Variants in TNS3 observed in about 807,000 individuals in gnomAD.
TNS3 encodes the protein tensin-3.
In TNS3, 45 loss-of-function variants were observed where a neutral mutation model predicts 140.9. The observed-to-expected ratio is 0.32, with a 90% CI of 0.25 to 0.41. The LOEUF (loss-of-function observed/expected upper bound fraction) is 0.41. Ranked by LOEUF, TNS3 falls within the 10% of genes least tolerant of loss-of-function variation. The pLI is 1.00. For synonymous variants in TNS3, 815 were observed against 788.4 expected (o/e 1.03, Z -0.56); for missense variants, 1,716 against 1,906.7 (o/e 0.90, Z 1.86).
rs1793502478 is a variant in TNS3, at chr7:47,407,268, C to A, written c.723+4459G>T. On this transcript the variant is annotated intron_variant, in intron 13 of 30. Transcript: ENST00000311160. The surrounding 1 kb of genome is among the most constrained non-coding windows in gnomAD (Gnocchi z 4.1). The stretch of plus-strand genomic sequence containing the variant: ...ATGTGAGCTCTGCTGTGAAGCCACT[C>A]CTTCTCTGACACGCTGGAAATCATC... Among the ~76,000 whole-genome samples, 1 of 152,172 alleles carries A rather than the reference C, an allele frequency of 6.6e-6. No individual in the cohort carries two copies. Among genetic ancestry groups the A allele is most frequent in the Non-Finnish European group, 1.5e-5 (1 of 68,034 alleles).
chr7:47,340,115 ATTTT>A (rs770520080), intron 20 of TNS3, among the ~76,000 whole-genome samples: 55 of 28,530 alleles, frequency 1.9e-3, no homozygotes, highest in African/African-American at 5.8e-3. Context: ...ATATATATAT[ATTTT>A]TTTTTTTTTT....
chr7:47,384,818 T>C (rs563064390), intron 16 of TNS3, among the ~76,000 whole-genome samples: 37 of 152,138 alleles, frequency 2.4e-4, no homozygotes, highest in Non-Finnish European at 3.4e-4. Flanking sequence ...TCCTAGCCCA[T>C]CTAGACCCAC....
intron 20 of TNS3, among the ~76,000 whole-genome samples, chr7:47,319,136 C>CCTCAGACATGGACACA (rs1362349760): frequency 6.6e-6 from 1 of 152,180 alleles, no homozygotes; most frequent in Non-Finnish European, 1.5e-5. Flanking sequence ...AGTCCATGTG[C>CCTCAGACATGGACACA]ACCGCTATAT....
chr7:47,355,230 G>A (rs555935385), intron 17 of TNS3, among the ~76,000 whole-genome samples: 43 of 152,330 alleles, frequency 2.8e-4, no homozygotes, highest in Admixed American at 2.0e-3. Flanking sequence ...AAAGGACACC[G>A]AGCCTGCGAG....
At chr7:47,523,198 T>C (rs896880139) in intron 2 of TNS3, among the ~76,000 whole-genome samples, 3 of 152,012 alleles carry the variant, frequency 2.0e-5, no homozygotes, top group Non-Finnish European at 4.4e-5. Flanking sequence ...GGGAGCTTTC[T>C]AGGGTCCCTT....
At chr7:47,573,589 G>A (rs984530736) in intron 1 of TNS3, among the ~76,000 whole-genome samples, 2 of 151,822 alleles carry the variant, frequency 1.3e-5, no homozygotes, top group African/African-American at 2.4e-5. Context: ...CCATCGCGAC[G>A]GGTCCTTCTG....
In TNS3 at chr7:47,536,355, G is replaced by A. The variant is rs1799597213; in HGVS notation, c.-264-7208C>T. Among the ~76,000 whole-genome samples, 3 of 148,120 alleles carry A rather than the reference G, an allele frequency of 2.0e-5. 1 individual carries two copies. The South Asian group carries it at 6.5e-4, about 32-fold the overall frequency. The stretch of plus-strand genomic sequence containing the variant: ...TTCAGCAATAACTTAGGGAAAGGGA[G>A]GCTGAACCTAGCGGGGAGCCAACCA... On this transcript the variant is annotated intron_variant, in intron 1 of 30. Transcript: ENST00000311160.
chr7:47,462,878 G>A (rs1005726660), intron 4 of TNS3, among the ~76,000 whole-genome samples: 1 of 152,208 alleles, frequency 6.6e-6, no homozygotes, highest in African/African-American at 2.4e-5. Flanking sequence ...TAGGTTCACA[G>A]AAGGCAGCCA....
intron 1 of TNS3, among the ~76,000 whole-genome samples, chr7:47,551,228 G>A (rs1029155230): frequency 1.3e-5 from 2 of 152,226 alleles, no homozygotes; most frequent in Non-Finnish European, 2.9e-5. Flanking sequence ...CTGAGCTCCC[G>A]GGCAGAAGGC....
chr7:47,555,343 G>C (rs111756962), intron 1 of TNS3, among the ~76,000 whole-genome samples: 5,077 of 151,118 alleles, frequency 0.034, 257 homozygotes, highest in African/African-American at 0.12. Flanking sequence ...GGAGGTTGCA[G>C]TGAGCTGAAA....
intron 13 of TNS3, among the ~76,000 whole-genome samples, chr7:47,404,657 C>T (rs909790329): frequency 6.6e-6 from 1 of 151,902 alleles, no homozygotes; most frequent in Non-Finnish European, 1.5e-5. Context: ...GAGGCCGAGG[C>T]AGGCGGATCA....
chr7:47,504,200 G>A (rs1562811986), intron 3 of TNS3, among the ~76,000 whole-genome samples: 1 of 152,224 alleles, frequency 6.6e-6, no homozygotes, highest in Non-Finnish European at 1.5e-5. Context: ...AGTGATAGCA[G>A]TCTTTTGGCG....
chr7:47,519,812 A>ATTT (rs1798904414), intron 2 of TNS3, among the ~76,000 whole-genome samples: 3 of 61,352 alleles, frequency 4.9e-5, no homozygotes, highest in East Asian at 5.9e-4. Context: ...AGCTCCTCAC[A>ATTT]TTTCTTTTTT....
Position 47,369,051 on chromosome 7 carries a change from T to A in TNS3, c.1595A>T (p.Asp532Val). 5 of 1,614,060 alleles carry A rather than the reference T, an allele frequency of 3.1e-6. No homozygotes were observed. The highest frequency in any genetic ancestry group is 4.2e-6 in the Non-Finnish European group (5 of 1,180,022). Residue 532 changes from aspartate (D) to valine (V), a missense_variant, in exon 17 of 31, where the codon GAT (aspartate) becomes GTT (valine). Transcript: ENST00000311160. Reference protein sequence around the residue: ...SDGFGSNVGEDPQGTLVPDLG... With the variant: ...SDGFGSNVGEVPQGTLVPDLG... ...GTCCGGAACGAGGGTGCCCTGCGGATCTTCACCAACGTTGCTGCCAAAACC... is the reference window on the plus strand; with the variant it reads ...GTCCGGAACGAGGGTGCCCTGCGGAACTTCACCAACGTTGCTGCCAAAACC...
intron 23 of TNS3, among the ~76,000 whole-genome samples, chr7:47,298,424 G>A (rs547134266): frequency 7.4e-4 from 113 of 152,374 alleles, no homozygotes; most frequent in African/African-American, 2.7e-3. Context: ...AGAAGAGGGA[G>A]TGGGTTAGGG....
At chr7:47,340,093 ATATATAT>A (rs1788884606) in intron 20 of TNS3, among the ~76,000 whole-genome samples, 1 of 26,206 alleles carries the variant, frequency 3.8e-5, no homozygotes, top group African/African-American at 1.4e-4. Context: ...GTGCATATAC[ATATATAT>A]ATATATATAT....
At chr7:47,406,228 C>T (rs891968847) in intron 13 of TNS3, among the ~76,000 whole-genome samples, 1 of 152,110 alleles carries the variant, frequency 6.6e-6, no homozygotes, top group African/African-American at 2.4e-5. Flanking sequence ...GTCAGGTGTG[C>T]AGCTGGGAGG....
At chr7:47,404,467 C>G (rs1401520198) in intron 13 of TNS3, among the ~76,000 whole-genome samples, 1 of 152,148 alleles carries the variant, frequency 6.6e-6, no homozygotes, top group African/African-American at 2.4e-5. Flanking sequence ...ACTTGGTACT[C>G]AAAAACATAT....
At position 47,293,804 on chromosome 7, in the gene TNS3, A is replaced by T; in HGVS notation, c.3701T>A (p.Val1234Asp). The T allele has an allele frequency of 1.2e-6, 2 of 1,614,222 alleles. No homozygotes were observed. The highest frequency in any genetic ancestry group is 1.7e-6 in the Non-Finnish European group (2 of 1,180,038). Residue 1234 changes from valine to aspartate, a missense_variant, in exon 25 of 31, where the codon GTC becomes GAC. By Grantham distance (152) the Val-to-Asp change is radical (BLOSUM62 -3). Coordinates refer to ENST00000311160, the MANE Select transcript of TNS3 (RefSeq NM_022748.12). ...GGTACACTCGATCAAAAAGTGCCGGACGAGTTCATTGGCCAAATCTCCAGC... is the reference window on the plus strand; with the variant it reads ...GGTACACTCGATCAAAAAGTGCCGGTCGAGTTCATTGGCCAAATCTCCAGC... ...KKAGDLANELVRHFLIECTPK... is the reference protein window; with the variant it reads ...KKAGDLANELDRHFLIECTPK...
Sources: gnomAD v4.1 joint callset for allele counts (sites outside exome capture counted in the v4.1 genomes callset) on GRCh38, gnomAD v4.1.1 for gene constraint, Gnocchi (gnomAD v3.1) non-coding constraint, MANE v1.5 for transcripts, NCBI Gene and HGNC (gene_info 2026-07-23, HGNC 2026-07-21) for gene names.